The following GLO1 variants were observed in gnomAD, a reference collection of about 807,000 sequenced individuals.
GLO1 encodes the protein glyoxalase I.
A neutral mutation model predicts 26.0 loss-of-function variants in GLO1; 28 were observed. The observed-to-expected ratio is 1.08, with a 90% CI of 0.80 to 1.48. The LOEUF (loss-of-function observed/expected upper bound fraction) is 1.48, where lower values mean the gene tolerates loss of function less well. Among genes scored for constraint, GLO1 ranks in the 40% most tolerant of loss-of-function variants. The probability of loss-of-function intolerance (pLI) is 0.00; values close to 1 mark genes in which losing one functional copy is unlikely to be tolerated. For missense variants in GLO1, 225 were observed against 224.8 expected, an observed-to-expected ratio of 1.00 and a Z score of -0.01; for synonymous variants, 78 against 77.6, an observed-to-expected ratio of 1.00 and a Z score of -0.03.
intron 1 of GLO1, among the ~76,000 whole-genome samples, chr6:38,690,443 C>T (rs781655868): frequency 9.2e-5 from 14 of 151,984 alleles, no homozygotes; most frequent in South Asian, 2.1e-4. Context: ...TAAAATGCTG[C>T]GTCGAGGTAT....
chr6:38,700,985 G>C (rs1017800991), intron 1 of GLO1, among the ~76,000 whole-genome samples: 12 of 152,072 alleles, frequency 7.9e-5, no homozygotes, highest in African/African-American at 2.9e-4. Flanking sequence ...TGCCATGTTG[G>C]CCAGGCTGGT....
chr6:38,683,123 T>C (rs1562482726), intron 3 of GLO1: 1 of 449,394 alleles, frequency 2.2e-6, no homozygotes, highest in South Asian at 4.0e-5. Context: ...ATAATGCTCA[T>C]TTATTGTGCT....
At chr6:38,699,592 T>A (rs148519062) in intron 1 of GLO1, among the ~76,000 whole-genome samples, 2,054 of 152,222 alleles carry the variant, frequency 0.013, 44 homozygotes, top group African/African-American at 0.046. Flanking sequence ...GGAATATTAA[T>A]ATTAATACCC....
chr6:38,688,925 A>C (rs772612280), intron 1 of GLO1, among the ~76,000 whole-genome samples: 4 of 152,236 alleles, frequency 2.6e-5, no homozygotes, highest in Non-Finnish European at 4.4e-5. Flanking sequence ...GGAGAGAGAG[A>C]GAGCGAGCGT....
intron 1 of GLO1, among the ~76,000 whole-genome samples, chr6:38,699,304 C>G (rs561790482): frequency 1.3e-5 from 2 of 152,204 alleles, no homozygotes; most frequent in African/African-American, 4.8e-5. Flanking sequence ...TCTCTTAATC[C>G]TGTTATCTTC....
At chr6:38,698,786 A>G (rs968426617) in intron 1 of GLO1, among the ~76,000 whole-genome samples, 1 of 149,672 alleles carries the variant, frequency 6.7e-6, no homozygotes, top group African/African-American at 2.5e-5. Flanking sequence ...GACTTCCTTT[A>G]TAATGAAGAT....
intron 3 of GLO1, among the ~76,000 whole-genome samples, chr6:38,683,471 G>A (rs1761413107): frequency 6.6e-6 from 1 of 152,196 alleles, no homozygotes; most frequent in Non-Finnish European, 1.5e-5. Flanking sequence ...GATCCAAAAT[G>A]TAGCAAAATA....
At chr6:38,678,334 AAGAGAAAG>A (rs1386579975) in intron 5 of GLO1, among the ~76,000 whole-genome samples, 6 of 150,466 alleles carry the variant, frequency 4.0e-5, no homozygotes, top group East Asian at 3.9e-4. Context: ...GAGAAAGAGA[AAGAGAAAG>A]AGAGAAAGAG....
chr6:38,702,926 G>T, intron 1 of GLO1, 45 bp downstream of exon 1: 1 of 1,113,920 alleles, frequency 9.0e-7, no homozygotes, highest in Non-Finnish European at 1.4e-6. Context: ...CCCGGTCCCG[G>T]CCCAGCGGAG....
intron 5 of GLO1, among the ~76,000 whole-genome samples, chr6:38,679,837 T>G (rs1411738894): frequency 2.7e-5 from 4 of 149,552 alleles, no homozygotes; most frequent in Admixed American, 6.7e-5. Flanking sequence ...ATTACCAATA[T>G]GAAAAAAAGA....
At chr6:38,696,736 G>A (rs1220774826) in intron 1 of GLO1, among the ~76,000 whole-genome samples, 2 of 152,138 alleles carry the variant, frequency 1.3e-5, no homozygotes, top group African/African-American at 4.8e-5. Context: ...CCCTCAGTCT[G>A]CAGAAAGGAG....
intron 1 of GLO1, among the ~76,000 whole-genome samples, chr6:38,702,767 A>C (rs1468262361): frequency 6.6e-6 from 1 of 152,090 alleles, no homozygotes; most frequent in African/African-American, 2.4e-5. Flanking sequence ...GCAGTCTTTG[A>C]AACTAGCTGA....
chr6:38,685,171 G>A (rs1036535164), intron 2 of GLO1, among the ~76,000 whole-genome samples: 1 of 152,224 alleles, frequency 6.6e-6, no homozygotes, highest in Non-Finnish European at 1.5e-5. Flanking sequence ...GTACTGGGGA[G>A]AGAGAATGGC....
intron 1 of GLO1, among the ~76,000 whole-genome samples, chr6:38,687,997 A>G (rs1293958025): frequency 1.3e-5 from 2 of 151,750 alleles, no homozygotes; most frequent in African/African-American, 4.8e-5. Flanking sequence ...TATATAACTC[A>G]CATCATATAA....
chr6:38,697,640 C>T (rs1472248729), intron 1 of GLO1, among the ~76,000 whole-genome samples: 1 of 152,176 alleles, frequency 6.6e-6, no homozygotes, highest in Non-Finnish European at 1.5e-5. Flanking sequence ...AAGCAACAAA[C>T]ACAATTTTTC....
Position 38,677,228 on chromosome 6 carries a change from G to A in GLO1, c.*67C>T, listed in dbSNP as rs1363736179. Reference sequence around the variant, plus strand: ...GATCCATCAGTCCTAGATGCTTCTGGTATGTAAATATCTTGAATCACATTG... The same window carrying A: ...GATCCATCAGTCCTAGATGCTTCTGATATGTAAATATCTTGAATCACATTG... On this transcript the variant is annotated 3_prime_UTR_variant, in exon 6 of 6. Coordinates refer to ENST00000373365, the MANE Select transcript of GLO1 (RefSeq NM_006708.3). The A allele has an allele frequency of 1.2e-6, 1 of 806,748 alleles. No homozygotes were observed. Among genetic ancestry groups the A allele is most frequent in the Non-Finnish European group, 2.2e-6 (1 of 447,606 alleles). The allele number at this position is 806,748 out of a possible 1,614,324, so 50.0% of individuals were successfully genotyped here.
In GLO1 at chr6:38,682,119, G is replaced by A. The variant is rs760448467; in HGVS notation, c.377-18C>T. 1.1e-5 allele frequency: 14 copies of A among 1,283,730 alleles called. No individual in the cohort carries two copies. Among genetic ancestry groups the A allele is most frequent in the East Asian group, 4.6e-5 (2 of 43,418 alleles). 79.5% of individuals were successfully genotyped at this position (1,283,730 alleles called of 1,614,324 possible). A position where few individuals can be genotyped will look rare whatever the true frequency, so the allele number is the denominator to read the frequency against. ...AATATGACCTTACGTGATACCCCCC[G>A]AAAAAAGCAGAGAGAAGGAAGAAAT... On this transcript the variant is annotated intron_variant, in intron 4 of 5. Coordinates refer to ENST00000373365, the MANE Select transcript of GLO1 (RefSeq NM_006708.3).
chr6:38,677,687 T>C (rs540550463), intron 5 of GLO1, among the ~76,000 whole-genome samples: 33 of 152,284 alleles, frequency 2.2e-4, no homozygotes, highest in Admixed American at 9.1e-4. Flanking sequence ...AGTGGTGGGA[T>C]TACAAGCACA....
intron 1 of GLO1, among the ~76,000 whole-genome samples, chr6:38,697,230 GCTCAACTAAACATCCAGA>G (rs1465863582): frequency 6.6e-6 from 1 of 152,106 alleles, no homozygotes; most frequent in Non-Finnish European, 1.5e-5. Context: ...TCTTCTTAAG[GCTCAACTAAACATCCAGA>G]CTTATAAGAC....
Sources: allele counts gnomAD v4.1 joint callset (sites outside exome capture counted in the v4.1 genomes callset), GRCh38; gene constraint gnomAD v4.1.1; transcripts MANE v1.5; gene names NCBI Gene and HGNC (gene_info 2026-07-23, HGNC 2026-07-21).